MEF2A: variants seen among roughly 807,000 people sequenced by gnomAD.
MEF2A encodes myocyte-specific enhancer factor 2A.
A neutral mutation model predicts 55.8 loss-of-function variants in MEF2A; 28 were observed. That is an observed-to-expected ratio of 0.50 (90% CI 0.37 to 0.69). The LOEUF (loss-of-function observed/expected upper bound fraction) is 0.69. MEF2A is among the 30% of genes least tolerant of loss of function. The pLI is 0.00. For synonymous variants in MEF2A, 239 were observed against 227.1 expected (o/e 1.05, Z -0.47); for missense variants, 528 against 626.2 (o/e 0.84, Z 1.67).
chr15:99,703,861 C>T (rs961356838), intron 9 of MEF2A, among the ~76,000 whole-genome samples: 1 of 152,156 alleles, frequency 6.6e-6, no homozygotes, highest in Non-Finnish European at 1.5e-5. Context: ...CAGCCTGAAC[C>T]ACAAGGGGGT....
chr15:99,613,324 A>T (rs2039627419), intron 2 of MEF2A, among the ~76,000 whole-genome samples: 1 of 152,210 alleles, frequency 6.6e-6, no homozygotes. Context: ...GAACCACTGC[A>T]TTAGATCAGT....
chr15:99,645,801 T>C (rs1272037791), intron 4 of MEF2A, 37 bp downstream of exon 4: 2 of 1,425,878 alleles, frequency 1.4e-6, no homozygotes, highest in Non-Finnish European at 1.9e-6. Flanking sequence ...TTGCAAGTAA[T>C]ACTGAAATAT....
At position 99,715,838 on chromosome 15, in the gene MEF2A, T is replaced by C. The variant is rs2059098141; in HGVS notation, c.*3067T>C. On this transcript the variant is annotated 3_prime_UTR_variant, in exon 12 of 12. Coordinates refer to ENST00000557942, the MANE Select transcript of MEF2A (RefSeq NM_001319206.4). ...CCACCGCGAGTGGAAGTCACTGTTG[T>C]GTGTACACAGGTGGTCCCAATCAAA... 6.6e-6 allele frequency: 1 copy of C among 152,284 alleles called. No homozygotes were observed. Among genetic ancestry groups the C allele is most frequent in the Non-Finnish European group, 1.5e-5 (1 of 68,062 alleles). 9.4% of individuals were successfully genotyped at this position (152,284 alleles called of 1,614,324 possible).
At chr15:99,695,657 C>T (rs887594016) in intron 8 of MEF2A, among the ~76,000 whole-genome samples, 2 of 151,470 alleles carry the variant, frequency 1.3e-5, no homozygotes, top group African/African-American at 4.8e-5. Flanking sequence ...GTCGAGAGTT[C>T]GAGACCAGCC....
chr15:99,683,566 C>T (rs922463394), intron 7 of MEF2A, among the ~76,000 whole-genome samples: 1 of 151,938 alleles, frequency 6.6e-6, no homozygotes, highest in African/African-American at 2.4e-5. Flanking sequence ...ACCACCATGC[C>T]CTGCTAATTT....
intron 1 of MEF2A, among the ~76,000 whole-genome samples, chr15:99,585,315 T>G (rs928830179): frequency 6.6e-6 from 1 of 152,222 alleles, no homozygotes; most frequent in Non-Finnish European, 1.5e-5. Context: ...CTTTTTTACC[T>G]CCTGTAATTG....
intron 2 of MEF2A, among the ~76,000 whole-genome samples, chr15:99,614,036 A>G (rs891647684): frequency 2.0e-5 from 3 of 152,200 alleles, no homozygotes; most frequent in African/African-American, 7.2e-5. Context: ...TATTAGGGCC[A>G]AAATTTCAAC....
chr15:99,687,172 C>G (rs1346680858), intron 7 of MEF2A, among the ~76,000 whole-genome samples: 9 of 150,250 alleles, frequency 6.0e-5, no homozygotes, highest in Admixed American at 1.3e-4. Context: ...GCGATCTGCC[C>G]ACCTCAGCCT....
chr15:99,711,053 A>G (rs2058585103), intron 11 of MEF2A, among the ~76,000 whole-genome samples: 1 of 152,188 alleles, frequency 6.6e-6, no homozygotes, highest in African/African-American at 2.4e-5. Context: ...GAAGGCACAG[A>G]TACCACCCGC....
intron 2 of MEF2A, among the ~76,000 whole-genome samples, chr15:99,611,667 A>G (rs769276836): frequency 6.6e-6 from 1 of 152,246 alleles, no homozygotes; most frequent in Non-Finnish European, 1.5e-5. Context: ...TTCTGCTCCT[A>G]GCGATATATC....
At chr15:99,663,120 A>G (rs1487513222) in intron 4 of MEF2A, among the ~76,000 whole-genome samples, 1 of 152,068 alleles carries the variant, frequency 6.6e-6, no homozygotes, top group Non-Finnish European at 1.5e-5. Flanking sequence ...TTAAAAGTGC[A>G]GGCATGGGCT....
intron 2 of MEF2A, among the ~76,000 whole-genome samples, chr15:99,612,733 T>C (rs1326843616): frequency 6.6e-6 from 1 of 152,054 alleles, no homozygotes; most frequent in Non-Finnish European, 1.5e-5. Flanking sequence ...AAAACAGTGG[T>C]GTACTTCTAA....
chr15:99,601,910 T>G (rs1973220009), intron 2 of MEF2A, among the ~76,000 whole-genome samples: 1 of 151,270 alleles, frequency 6.6e-6, no homozygotes, highest in South Asian at 2.1e-4. Context: ...CTTGAAGAAT[T>G]TGCATAGAAT....
At chr15:99,707,959 G>A (rs1365235546) in intron 10 of MEF2A, among the ~76,000 whole-genome samples, 2 of 151,774 alleles carry the variant, frequency 1.3e-5, no homozygotes, top group Non-Finnish European at 1.5e-5. Context: ...AGTCTCTTAG[G>A]AAATATCCAT....
At chr15:99,655,298 A>G (rs1221927602) in intron 4 of MEF2A, among the ~76,000 whole-genome samples, 1 of 152,180 alleles carries the variant, frequency 6.6e-6, no homozygotes, top group Non-Finnish European at 1.5e-5. Context: ...ATGGTGCTGG[A>G]AAACCTGGAT....
chr15:99,602,653 G>GGTGGGTGTGTGTGT (rs1555454714), intron 2 of MEF2A, among the ~76,000 whole-genome samples: 2 of 44,842 alleles, frequency 4.5e-5, no homozygotes, highest in African/African-American at 7.1e-5. Context: ...ACATTCCTGG[G>GGTGGGTGTGTGTGT]GTGTGTGTGT....
rs2058895627 is a variant in MEF2A at position 99,713,818 on chromosome 15, T to C, written c.*1047T>C. 1 of 152,158 alleles carries C rather than the reference T, an allele frequency of 6.6e-6. No homozygotes were observed. Among genetic ancestry groups the C allele is most frequent in the South Asian group, 2.1e-4 (1 of 4,834 alleles). The allele number at this position is 152,158 out of a possible 1,614,324, so 9.4% of individuals were successfully genotyped here. On this transcript the variant is annotated 3_prime_UTR_variant, in exon 12 of 12. Transcript: ENST00000557942. The stretch of plus-strand genomic sequence containing the variant: ...AAAAGCCATGAACACTTATTCTAAA[T>C]GTAAATTAAAAGTTGAGCCAAACTC...
chr15:99,703,386 G>A lies in MEF2A; in HGVS notation c.882+1G>A, dbSNP rs750522839. The A allele has an allele frequency of 6.2e-7, 1 of 1,607,504 alleles. No homozygotes were observed. Among genetic ancestry groups the A allele is most frequent in the Non-Finnish European group, 8.5e-7 (1 of 1,177,204 alleles). ...GTCGGAGGAAGAGGAATTGGAGTTG[G>A]TGAGTGTGGGTTTCTGCTTGAAGGA... On this transcript the variant is annotated splice_donor_variant, in intron 9 of 11. Coordinates refer to ENST00000557942, the MANE Select transcript of MEF2A (RefSeq NM_001319206.4). LOFTEE classifies it high-confidence loss of function.
At chr15:99,703,309 T>G in intron 8 of MEF2A, 53 bp from the exon 9 acceptor site, 7 of 1,587,800 alleles carry the variant, frequency 4.4e-6, no homozygotes, top group Non-Finnish European at 5.2e-6. Flanking sequence ...ATTTTGTTTG[T>G]GAGTACCAAC....
Sources: allele counts gnomAD v4.1 joint callset (sites outside exome capture counted in the v4.1 genomes callset), GRCh38; gene constraint gnomAD v4.1.1; transcripts MANE v1.5; gene names NCBI Gene and HGNC (gene_info 2026-07-23, HGNC 2026-07-21).